MRPS9: variants seen among roughly 807,000 people sequenced by gnomAD.
The protein encoded by MRPS9 is small ribosomal subunit protein uS9m.
In MRPS9, 45 loss-of-function variants were observed where a neutral mutation model predicts 59.9. The observed-to-expected ratio is 0.75, with a 90% CI of 0.59 to 0.96. MRPS9 has a LOEUF of 0.96. Ranked by LOEUF, MRPS9 falls within the 40% of genes least tolerant of loss-of-function variation. The probability of loss-of-function intolerance (pLI) is 0.00; values close to 1 mark genes in which losing one functional copy is unlikely to be tolerated. For missense variants in MRPS9, 473 were observed against 481.1 expected (o/e 0.98, Z 0.16); for synonymous variants, 171 against 166.8 (o/e 1.03, Z -0.19).
chr2:105,079,348 G>A (rs1292901165), intron 4 of MRPS9, among the ~76,000 whole-genome samples: 1 of 149,536 alleles, frequency 6.7e-6, no homozygotes, highest in African/African-American at 2.5e-5. Flanking sequence ...CACAGAGTTA[G>A]CATTCGTCTT....
chr2:105,040,057 A>G (rs894104665), intron 1 of MRPS9, among the ~76,000 whole-genome samples: 26 of 152,210 alleles, frequency 1.7e-4, no homozygotes, highest in African/African-American at 5.3e-4. Flanking sequence ...ACTACAGCAT[A>G]TATTTTACCA....
chr2:105,038,293 A>C (rs1573410269), intron 1 of MRPS9, 66 bp downstream of exon 1: 1 of 1,558,994 alleles, frequency 6.4e-7, no homozygotes. Context: ...CAGCGCGGAC[A>C]CCTTCCCCCA....
chr2:105,039,317 G>GC (rs1679458436), intron 1 of MRPS9, among the ~76,000 whole-genome samples: 1 of 134,358 alleles, frequency 7.4e-6, no homozygotes, highest in Admixed American at 7.4e-5. Context: ...GTGGACATTT[G>GC]TTTTTTTTTT....
Position 105,092,478 on chromosome 2 carries a change from GT to G in MRPS9, c.732del (p.Arg245GlufsTer4). 1 of 1,613,908 alleles carries G rather than the reference GT, an allele frequency of 6.2e-7. No homozygotes were observed. The highest frequency in any genetic ancestry group is 8.5e-7 in the Non-Finnish European group (1 of 1,179,914). On this transcript the variant is annotated frameshift_variant, in exon 8 of 11. Transcript: ENST00000258455. LOFTEE classifies it high-confidence loss of function. The part of the protein sequence containing the change: ...GAAEEEFVQR[F>X]RRSVTLESKK... Reference sequence around the variant, plus strand: ...CTGCTGAGGAAGAATTTGTGCAGAGGTTTCGAAGAAGTGTAACTCTTGAATC... The same window carrying G: ...CTGCTGAGGAAGAATTTGTGCAGAGGTTCGAAGAAGTGTAACTCTTGAATC...
chr2:105,064,466 A>G (rs1355211678), intron 2 of MRPS9, among the ~76,000 whole-genome samples: 1 of 152,212 alleles, frequency 6.6e-6, no homozygotes, highest in Non-Finnish European at 1.5e-5. Context: ...AGATGCCACC[A>G]GGAGCACAGT....
At chr2:105,095,487 A>ATTT (rs138410859) in intron 9 of MRPS9, among the ~76,000 whole-genome samples, 1 of 140,112 alleles carries the variant, frequency 7.1e-6, no homozygotes, top group Non-Finnish European at 1.5e-5. Context: ...CAGTCTGTAC[A>ATTT]TTTTTTTTTT....
chr2:105,044,688 T>TA (rs1388431996), intron 1 of MRPS9, among the ~76,000 whole-genome samples: 1 of 152,186 alleles, frequency 6.6e-6, no homozygotes, highest in East Asian at 1.9e-4. Flanking sequence ...CTGGAGACTA[T>TA]AGGCAGACAC....
intron 6 of MRPS9, among the ~76,000 whole-genome samples, chr2:105,089,486 A>G (rs1210831212): frequency 3.9e-5 from 6 of 152,234 alleles, no homozygotes; most frequent in African/African-American, 4.8e-5. Context: ...ATTTTGGCCT[A>G]TCTATTCAAG....
intron 1 of MRPS9, among the ~76,000 whole-genome samples, chr2:105,043,257 C>A (rs1679532543): frequency 6.6e-6 from 1 of 152,144 alleles, no homozygotes; most frequent in Admixed American, 6.5e-5. Flanking sequence ...TAATTTATAA[C>A]AGATTATAGA....
At chr2:105,068,782 G>C (rs1680049281) in intron 2 of MRPS9, among the ~76,000 whole-genome samples, 1 of 152,104 alleles carries the variant, frequency 6.6e-6, no homozygotes, top group Non-Finnish European at 1.5e-5. Flanking sequence ...TGGCTTTTCT[G>C]TCTGTTTTAC....
chr2:105,061,377 GA>G (rs1252109776), intron 2 of MRPS9, among the ~76,000 whole-genome samples: 1 of 152,134 alleles, frequency 6.6e-6, no homozygotes, highest in East Asian at 1.9e-4. Flanking sequence ...AAGAAAGCTG[GA>G]AAGCTGTTGT....
rs755362859 is a variant in MRPS9 at position 105,089,987 on chromosome 2, G to C, written c.643G>C (p.Asp215His). ...LEEMLVEKLSDLDYMQFIRLL... is the reference protein window; with the variant it reads ...LEEMLVEKLSHLDYMQFIRLL... ...AGAAATGTTAGTGGAAAAACTGTCA[G>C]ATCTAGATGTGAGTAATTAATCTTT... The change falls in exon 7 of 11, where the codon GAT (aspartate) becomes CAT (histidine). Residue 215 changes from aspartate to histidine, a missense_variant. Coordinates refer to ENST00000258455, the MANE Select transcript of MRPS9 (RefSeq NM_182640.3). 6.3e-7 allele frequency: 1 copy of C among 1,590,776 alleles called. No individual in the cohort carries two copies. The highest frequency in any genetic ancestry group is 8.6e-7 in the Non-Finnish European group (1 of 1,162,302).
At position 105,089,037 on chromosome 2, in the gene MRPS9, CA is replaced by C; in HGVS notation, c.547del (p.Ser183ValfsTer8). 4.3e-6 allele frequency: 7 copies of C among 1,611,014 alleles called. No individual in the cohort carries two copies. Among genetic ancestry groups the C allele is most frequent in the Non-Finnish European group, 5.1e-6 (6 of 1,178,128 alleles). ...AAAAACATCAAAGTCACTTGCAAGCCAAAAGTCTGCTCCCAGAAAAAACTGT... is the reference window on the plus strand; with the variant it reads ...AAAAACATCAAAGTCACTTGCAAGCCAAAGTCTGCTCCCAGAAAAAACTGT... The part of the protein sequence containing the change: ...LEKHQSHLQA[K>X]SLLPEKTVTR... On this transcript the variant is annotated frameshift_variant, in exon 6 of 11. Coordinates refer to ENST00000258455, the MANE Select transcript of MRPS9 (RefSeq NM_182640.3). LOFTEE classifies it high-confidence loss of function.
chr2:105,093,578 G>A lies in MRPS9; in HGVS notation c.869G>A (p.Ser290Asn). 2 of 1,607,112 alleles carry A rather than the reference G, an allele frequency of 1.2e-6. No individual in the cohort carries two copies. The highest frequency in any genetic ancestry group is 1.7e-6 in the Non-Finnish European group (2 of 1,176,536). Residue 290 changes from serine (S) to asparagine (N), a missense_variant, in exon 9 of 11, where the codon AGT becomes AAT. Physicochemically the swap from Ser to Asn is conservative, Grantham distance 46. Transcript: ENST00000258455. ...GAAGCAATTGTTTATAAACATGGAA[G>A]TGGAAGAATAAAAGTAAATGGAATT... ...KAEAIVYKHG[S>N]GRIKVNGIDY...
At chr2:105,063,471 C>T (rs1313376589) in intron 2 of MRPS9, among the ~76,000 whole-genome samples, 1 of 152,156 alleles carries the variant, frequency 6.6e-6, no homozygotes, top group African/African-American at 2.4e-5. Flanking sequence ...TGTACTTTTT[C>T]TTATGAAAAC....
intron 2 of MRPS9, among the ~76,000 whole-genome samples, chr2:105,053,441 C>T (rs1428649397): frequency 6.6e-6 from 1 of 152,050 alleles, no homozygotes; most frequent in Non-Finnish European, 1.5e-5. Context: ...TACTAGTTAT[C>T]CAATTACTAA....
Position 105,038,106 on chromosome 2 carries a change from G to T in MRPS9, c.14G>T (p.Cys5Phe), listed in dbSNP as rs1293585903. 1 of 1,613,934 alleles carries T rather than the reference G, an allele frequency of 6.2e-7. No homozygotes were observed. The highest frequency in any genetic ancestry group is 1.7e-5 in the Admixed American group (1 of 60,026). The change falls in exon 1 of 11, where the codon TGT (cysteine) becomes TTT (phenylalanine). Residue 5 changes from cysteine (C) to phenylalanine (F), a missense_variant. By Grantham distance (205) the Cys-to-Phe change is radical. Transcript: ENST00000258455. MAAP[C>F]VSYGGAVSYR... ...CCCACAGCTAACATGGCGGCGCCCT[G>T]TGTGTCCTACGGCGGAGCAGTTTCG...
chr2:105,090,886 GA>G (rs1680544609), intron 7 of MRPS9, among the ~76,000 whole-genome samples: 1 of 152,074 alleles, frequency 6.6e-6, no homozygotes, highest in African/African-American at 2.4e-5. Context: ...ATGTATTATA[GA>G]AATTAATGAT....
intron 2 of MRPS9, among the ~76,000 whole-genome samples, chr2:105,070,233 G>A (rs971556316): frequency 1.3e-5 from 2 of 152,120 alleles, no homozygotes; most frequent in South Asian, 2.1e-4. Context: ...GCCTCCCACA[G>A]TACTGGGATT....
Sources: gnomAD v4.1 joint callset for allele counts (sites outside exome capture counted in the v4.1 genomes callset) on GRCh38, gnomAD v4.1.1 for gene constraint, MANE v1.5 for transcripts, NCBI Gene and HGNC (gene_info 2026-07-23, HGNC 2026-07-21) for gene names.